Variants in KIAA0319 observed in about 807,000 individuals in gnomAD.
KIAA0319 encodes dyslexia-associated protein KIAA0319.
KIAA0319 carries 83 observed loss-of-function variants against 108.4 expected under a neutral mutation model. The ratio of observed to expected loss-of-function variants is 0.77; its 90% confidence interval spans 0.64 to 0.92. The LOEUF is 0.92. Ranked by LOEUF, KIAA0319 falls within the 40% of genes least tolerant of loss-of-function variation. The pLI is 0.00. For synonymous variants in KIAA0319, 484 were observed against 510.4 expected (o/e 0.95, Z 0.70); for missense variants, 1,195 against 1,322.4 (o/e 0.90, Z 1.49).
chr6:24,565,643 C>T (rs1317008122), intron 14 of KIAA0319, among the ~76,000 whole-genome samples: 3 of 150,136 alleles, frequency 2.0e-5, no homozygotes, highest in African/African-American at 7.4e-5. Flanking sequence ...GTCCCAGCTA[C>T]GCGGGAGGCT....
intron 19 of KIAA0319, among the ~76,000 whole-genome samples, 163 bp downstream of exon 19, chr6:24,554,378 C>G (rs1253313575): frequency 1.3e-5 from 2 of 152,178 alleles, no homozygotes; most frequent in Non-Finnish European, 2.9e-5. Context: ...GAAAAAGCTG[C>G]CTCTAATATT....
chr6:24,586,836 C>A (rs1767576067), intron 4 of KIAA0319, among the ~76,000 whole-genome samples: 1 of 152,026 alleles, frequency 6.6e-6, no homozygotes, highest in Non-Finnish European at 1.5e-5. Flanking sequence ...AGAACTCTCT[C>A]CCTCTAGCTT....
chr6:24,613,635 A>G (rs1482989176), intron 1 of KIAA0319, among the ~76,000 whole-genome samples: 2 of 152,152 alleles, frequency 1.3e-5, no homozygotes, highest in Non-Finnish European at 2.9e-5. Flanking sequence ...ACAACTGGTT[A>G]ACAAGAGAAA....
At chr6:24,563,220 A>G in intron 16 of KIAA0319, 139 bp downstream of exon 16, 8 of 957,740 alleles carry the variant, frequency 8.4e-6, no homozygotes, top group Non-Finnish European at 1.2e-5. Context: ...CCTTTGAGAA[A>G]AAAAGTATAT....
intron 7 of KIAA0319, among the ~76,000 whole-genome samples, chr6:24,580,506 C>G (rs1018655243): frequency 1.3e-5 from 2 of 152,172 alleles, no homozygotes; most frequent in Non-Finnish European, 2.9e-5. Flanking sequence ...AGCCCAAGAA[C>G]CACCTGTTTC....
In KIAA0319 at chr6:24,576,599, A is replaced by G. The variant is rs568199991; in HGVS notation, c.1506-3T>C. On this transcript the variant is annotated splice_region_variant and splice_polypyrimidine_tract_variant and intron_variant, in intron 9 of 20. Coordinates refer to ENST00000378214, the MANE Select transcript of KIAA0319 (RefSeq NM_014809.4). ...CGTCCGAGTCTGTAACAGTCAACCT[A>G]CAAAAAGGAGAAGAAGCCGTAGTTG... is the stretch of plus-strand genomic sequence containing the variant. The G allele has an allele frequency of 1.4e-5, 22 of 1,611,932 alleles. No homozygotes were observed. The South Asian group carries it at 2.3e-4, about 17-fold the overall frequency.
intron 17 of KIAA0319, 55 bp from the exon 18 acceptor site, chr6:24,556,784 T>C (rs1273575857): frequency 6.4e-7 from 1 of 1,565,320 alleles, no homozygotes; most frequent in African/African-American, 1.4e-5. Context: ...AATCCCTGGA[T>C]TCAGCTTCTT....
chr6:24,554,102 A>G (rs1484199898), intron 19 of KIAA0319, among the ~76,000 whole-genome samples: 3 of 152,216 alleles, frequency 2.0e-5, no homozygotes, highest in Non-Finnish European at 4.4e-5. Flanking sequence ...CTGAGTCCTT[A>G]ACCTGTGGGA....
At chr6:24,621,152 C>T (rs1465281742) in intron 1 of KIAA0319, among the ~76,000 whole-genome samples, 1 of 152,152 alleles carries the variant, frequency 6.6e-6, no homozygotes, top group Non-Finnish European at 1.5e-5. Context: ...CTTATTTAAG[C>T]CTCAAGGTCT....
intron 1 of KIAA0319, among the ~76,000 whole-genome samples, chr6:24,611,894 A>C (rs187558836): frequency 1.1e-3 from 162 of 151,992 alleles, no homozygotes; most frequent in Non-Finnish European, 1.7e-3. Context: ...TCCCTTAAAA[A>C]AAAATAATTA....
chr6:24,601,404 T>G (rs1770603800), intron 1 of KIAA0319, 196 bp from the exon 2 acceptor site: 18 of 710,948 alleles, frequency 2.5e-5, no homozygotes, highest in Middle Eastern at 6.8e-4. Context: ...GCCAAAGAAT[T>G]TCATGCTTAC....
downstream of KIAA0319, among the ~76,000 whole-genome samples, chr6:24,542,336 A>T (rs958191762): frequency 1.3e-5 from 2 of 152,376 alleles, no homozygotes; most frequent in Non-Finnish European, 2.9e-5. Context: ...ATACTTCAAC[A>T]AGCATTTATC....
chr6:24,618,774 A>C (rs1773513193), intron 1 of KIAA0319, among the ~76,000 whole-genome samples: 1 of 152,158 alleles, frequency 6.6e-6, no homozygotes, highest in African/African-American at 2.4e-5. Flanking sequence ...ATGTTTAAAA[A>C]AAAAAAGTAG....
rs1407686873 is a variant in KIAA0319 at position 24,576,556 on chromosome 6, T to C, written c.1546A>G (p.Thr516Ala). ...TDSDGATNSTTAALIVNNAVD... is the reference protein window; with the variant it reads ...TDSDGATNSTAAALIVNNAVD... ...GCATTGTTCACTATTAGGGCTGCAG[T>C]TGTAGAGTTAGTGGCTCCGTCCGAG... is the stretch of plus-strand genomic sequence containing the variant. Residue 516 changes from threonine (T) to alanine (A), a missense_variant, in exon 10 of 21, where the codon ACT (threonine) becomes GCT (alanine). By Grantham distance (58) the Thr-to-Ala change is moderately conservative (BLOSUM62 0). Transcript: ENST00000378214. The C allele has an allele frequency of 9.3e-6, 15 of 1,613,912 alleles. No homozygotes were observed. Among genetic ancestry groups the C allele is most frequent in the Admixed American group, 6.7e-5 (4 of 59,992 alleles).
rs13218075 is a variant in KIAA0319 at position 24,599,018 on chromosome 6, C to A, written c.55+2031G>T. The A allele has an allele frequency of 0.31, 220,390 of 702,954 alleles. 40,066 individuals carry two copies. Among genetic ancestry groups the A allele is most frequent in the Non-Finnish European group, 0.37 (143,291 of 387,014 alleles). The allele number at this position is 702,954 out of a possible 1,614,324, so 43.5% of individuals were successfully genotyped here. ...TGGAAGGGCTGAATAACGAGATCAA[C>A]TTCCTCAGGCAGCTGTATGAAGAGG... On this transcript the variant is annotated intron_variant, in intron 2 of 20. Coordinates refer to ENST00000378214, the MANE Select transcript of KIAA0319 (RefSeq NM_014809.4). This position sits in a 1 kb window ranked among gnomAD's most constrained non-coding sequence, Gnocchi z 4.1.
downstream of KIAA0319, among the ~76,000 whole-genome samples, chr6:24,543,450 T>C (rs1222295922): frequency 6.6e-6 from 1 of 152,208 alleles, no homozygotes; most frequent in East Asian, 1.9e-4. Context: ...TTTCTTTTTT[T>C]CTGAGATGGC....
In KIAA0319 at chr6:24,572,716, C is replaced by G. The variant is rs752058750; in HGVS notation, c.1735-18G>C. The G allele has an allele frequency of 6.3e-7, 1 of 1,579,702 alleles. No homozygotes were observed. Among genetic ancestry groups the G allele is most frequent in the Non-Finnish European group, 8.6e-7 (1 of 1,168,108 alleles). ...TGTACTCCCTAAGTAATAGCAAATA[C>G]AAAAATAAAAACAAAACAAAACAAA... is the stretch of plus-strand genomic sequence containing the variant. On this transcript the variant is annotated intron_variant, in intron 10 of 20. Transcript: ENST00000378214.
intron 20 of KIAA0319, among the ~76,000 whole-genome samples, chr6:24,548,390 GAA>G (rs1760944116): frequency 6.6e-6 from 1 of 152,208 alleles, no homozygotes; most frequent in South Asian, 2.1e-4. Flanking sequence ...CACAGAAACT[GAA>G]GAGGCCAGGC....
At chr6:24,629,217 A>G (rs557281451) in intron 1 of KIAA0319, among the ~76,000 whole-genome samples, 32 of 152,234 alleles carry the variant, frequency 2.1e-4, no homozygotes, top group African/African-American at 5.8e-4. Flanking sequence ...AAGTCAGCCA[A>G]TGATGGAATC....
Sources: gnomAD v4.1 joint callset for allele counts (sites outside exome capture counted in the v4.1 genomes callset) on GRCh38, gnomAD v4.1.1 for gene constraint, Gnocchi (gnomAD v3.1) non-coding constraint, MANE v1.5 for transcripts, NCBI Gene and HGNC (gene_info 2026-07-23, HGNC 2026-07-21) for gene names.